Variants in UNC79 observed in about 807,000 individuals in gnomAD.
UNC79 encodes unc-79 subunit of NALCN channel complex.
In UNC79, 37 loss-of-function variants were observed where a neutral mutation model predicts 283.1. That is an observed-to-expected ratio of 0.13 (90% CI 0.10 to 0.17). UNC79 has a LOEUF of 0.17. Among genes scored for constraint, UNC79 ranks in the 10% least tolerant of loss-of-function variants. The probability of loss-of-function intolerance (pLI) is 1.00; values close to 1 mark genes in which losing one functional copy is unlikely to be tolerated. For synonymous variants in UNC79, 1,107 were observed against 1,200.2 expected (o/e 0.92, Z 1.61); for missense variants, 2,272 against 3,211.1 (o/e 0.71, Z 7.07).
chr14:93,414,324 A>G (rs1336283698), intron 1 of UNC79, among the ~76,000 whole-genome samples: 1 of 152,124 alleles, frequency 6.6e-6, no homozygotes, highest in Non-Finnish European at 1.5e-5. Flanking sequence ...TTTGTCAAAG[A>G]TCAGATAGTT....
chr14:93,597,299 A>T, intron 23 of UNC79, 60 bp from the exon 24 acceptor site: 1 of 1,543,964 alleles, frequency 6.5e-7, no homozygotes, highest in South Asian at 1.2e-5. Flanking sequence ...ATAAATGTGT[A>T]TGCGTGTGCC....
Position 93,617,205 on chromosome 14 carries a change from C to G in UNC79, c.4125C>G (p.Leu1375=). ...TCAAATACTGCTCTTGTCCTCAACT[C>G]CGGCATTATTTCCAACAGCCGCCTC... is the stretch of plus-strand genomic sequence containing the variant. The change falls in exon 28 of 49, where the codon CTC becomes CTG. Residue 1375 remains leucine (L), a synonymous_variant. Coordinates refer to ENST00000555664, the Ensembl canonical transcript of UNC79. The surrounding 1 kb of genome is among the most constrained non-coding windows in gnomAD (Gnocchi z 4.5). 6.2e-7 allele frequency: 1 copy of G among 1,614,208 alleles called. No homozygotes were observed. The highest frequency in any genetic ancestry group is 1.7e-5 in the Admixed American group (1 of 60,034).
chr14:93,452,219 T>C (rs2056663875), intron 1 of UNC79, among the ~76,000 whole-genome samples: 1 of 152,158 alleles, frequency 6.6e-6, no homozygotes, highest in African/African-American at 2.4e-5. Context: ...GTATTTACTG[T>C]CTTTTCGTTC....
intron 4 of UNC79, 73 bp from the exon 5 acceptor site, chr14:93,487,590 C>G (rs1286958897): frequency 1.6e-6 from 2 of 1,275,762 alleles, no homozygotes; most frequent in Admixed American, 2.0e-5. Flanking sequence ...CTTCTTATCT[C>G]TCATGCTCTG....
chr14:93,422,320 A>G (rs1448536738), intron 1 of UNC79, among the ~76,000 whole-genome samples: 1 of 151,858 alleles, frequency 6.6e-6, no homozygotes, highest in African/African-American at 2.4e-5. Context: ...ATAGAAAGGA[A>G]TATCTTGTTT....
chr14:93,363,877 C>G lies in UNC79; in HGVS notation c.-351+30354C>G, dbSNP rs191543629. ...GGGACTACAGGCGCCTGCCACCACA[C>G]CCAGCTAATTTTTTTTGTATTTTTA... is the stretch of plus-strand genomic sequence containing the variant. On this transcript the variant is annotated intron_variant, in intron 1 of 49. Coordinates refer to the UNC79 transcript ENST00000256339. Among the ~76,000 whole-genome samples, 764 of 152,144 alleles carry G rather than the reference C, an allele frequency of 5.0e-3. 7 individuals are homozygous for G. Among genetic ancestry groups the G allele is most frequent in the African/African-American group, 0.017 (714 of 41,490 alleles).
At chr14:93,400,302 GAAATGAAT>G (rs2055081431) in intron 1 of UNC79, among the ~76,000 whole-genome samples, 1 of 151,364 alleles carries the variant, frequency 6.6e-6, no homozygotes, top group South Asian at 2.1e-4. Context: ...GCAGAGTCAA[GAAATGAAT>G]AACAGTTTAT....
intron 11 of UNC79, among the ~76,000 whole-genome samples, chr14:93,537,400 G>A (rs541781735): frequency 8.5e-5 from 13 of 152,326 alleles, no homozygotes; most frequent in African/African-American, 1.2e-4. Context: ...ACAGAGTGCC[G>A]GTGGGCATGG....
rs1256713231 is a variant in UNC79, at chr14:93,580,268, G to A, written c.2553G>A (p.Lys851=). 2.5e-6 allele frequency: 4 copies of A among 1,614,050 alleles called. No individual in the cohort carries two copies. In the Admixed American group the frequency reaches 5.0e-5, roughly 20 times the overall value. Reference sequence around the variant, plus strand: ...GGGGGGGATCCCACACCTGCCAGAAGGACGAAAAAGCAATCGAGTGCAACT... The same window carrying A: ...GGGGGGGATCCCACACCTGCCAGAAAGACGAAAAAGCAATCGAGTGCAACT... Residue 851 remains lysine (K), a synonymous_variant, in exon 19 of 49, where the codon AAG becomes AAA. Transcript: ENST00000555664.
chr14:93,575,564 G>A (rs1241293548), intron 17 of UNC79, among the ~76,000 whole-genome samples: 1 of 152,084 alleles, frequency 6.6e-6, no homozygotes, highest in Non-Finnish European at 1.5e-5. Flanking sequence ...GAGTTTGGAT[G>A]ATTGTTTTTT....
In UNC79 at chr14:93,694,315, T is replaced by C. The variant is rs1157161923; in HGVS notation, c.7471-20T>C. On this transcript the variant is annotated intron_variant, in intron 46 of 48. Transcript: ENST00000555664. The stretch of plus-strand genomic sequence containing the variant: ...CTATATCACTGGAAATGGAATTAAC[T>C]TTCATGTTTGTTGTTTCAGATGGTA... 1 of 1,603,152 alleles carries C rather than the reference T, an allele frequency of 6.2e-7. No homozygotes were observed. The highest frequency in any genetic ancestry group is 2.2e-5 in the East Asian group (1 of 44,610).
At position 93,430,659 on chromosome 14, in the gene UNC79, T is replaced by G. The variant is rs1337020409; in HGVS notation, c.-371T>G. On this transcript the variant is annotated 5_prime_UTR_variant, in exon 1 of 49. Coordinates refer to ENST00000555664, the Ensembl canonical transcript of UNC79. This position sits in a 1 kb window ranked among gnomAD's most constrained non-coding sequence, Gnocchi z 4.6. Reference sequence around the variant, plus strand: ...ACACCCGTCCCCTCCGTGCGCCTTATGAATGGAAATACTCCTCCCCCGGTC... The same window carrying G: ...ACACCCGTCCCCTCCGTGCGCCTTAGGAATGGAAATACTCCTCCCCCGGTC... 1.1e-5 allele frequency: 2 copies of G among 185,056 alleles called. No individual in the cohort carries two copies. The highest frequency in any genetic ancestry group is 5.6e-5 in the Admixed American group (1 of 17,926). 11.5% of individuals were successfully genotyped at this position (185,056 alleles called of 1,614,324 possible). A position where few individuals can be genotyped will look rare whatever the true frequency, so the allele number is the denominator to read the frequency against.
intron 1 of UNC79, among the ~76,000 whole-genome samples, chr14:93,355,209 CCT>C (rs1005741666): frequency 3.3e-5 from 5 of 149,742 alleles, no homozygotes; most frequent in Non-Finnish European, 7.4e-5. Context: ...TTTTTTTCCC[CCT>C]GAGACAGAGT....
rs549665637 is a variant in UNC79 at position 93,442,172 on chromosome 14, T to C, written c.22+11121T>C. 3.6e-3 allele frequency among the ~76,000 whole-genome samples: 542 copies of C among 152,262 alleles called. 5 individuals are homozygous for C. Among genetic ancestry groups the C allele is most frequent in the African/African-American group, 0.013 (520 of 41,566 alleles). On this transcript the variant is annotated intron_variant, in intron 1 of 48. Coordinates refer to ENST00000555664, the Ensembl canonical transcript of UNC79. The stretch of plus-strand genomic sequence containing the variant: ...TAGCCTTAACTATAATATGATTCAT[T>C]GTTGGGTCATGCTGAAATGATTGCA...
intron 1 of UNC79, among the ~76,000 whole-genome samples, chr14:93,377,435 GT>G (rs1398437740): frequency 6.6e-6 from 1 of 152,126 alleles, no homozygotes; most frequent in Non-Finnish European, 1.5e-5. Flanking sequence ...TGTACTGAGG[GT>G]TGAGGGCTTC....
chr14:93,688,776 G>T lies in UNC79; in HGVS notation c.7021G>T (p.Asp2341Tyr). Residue 2341 changes from aspartate to tyrosine, a missense_variant, in exon 44 of 49, where the codon GAT becomes TAT. Transcript: ENST00000555664. The surrounding 1 kb of genome is among the most constrained non-coding windows in gnomAD (Gnocchi z 4.0). ...GGACATCTCACGGGGCAACCACAGA[G>T]ATAACAAAGCTGTGATCCGCTATCT... is the stretch of plus-strand genomic sequence containing the variant. The T allele has an allele frequency of 6.2e-7, 1 of 1,614,138 alleles. No individual in the cohort carries two copies. The highest frequency in any genetic ancestry group is 8.5e-7 in the Non-Finnish European group (1 of 1,180,012).
intron 1 of UNC79, among the ~76,000 whole-genome samples, chr14:93,438,102 A>G (rs1423756038): frequency 6.6e-6 from 1 of 152,198 alleles, no homozygotes; most frequent in East Asian, 1.9e-4. Context: ...CCAAAACAAT[A>G]TGCATTCCTA....
chr14:93,640,678 C>T (rs1219733022), intron 32 of UNC79, among the ~76,000 whole-genome samples: 1 of 152,170 alleles, frequency 6.6e-6, no homozygotes, highest in African/African-American at 2.4e-5. Flanking sequence ...ATCTCCACTG[C>T]TTAAGTGCAT....
chr14:93,666,065 T>TTG (rs3993787), intron 40 of UNC79, among the ~76,000 whole-genome samples: 177 of 150,104 alleles, frequency 1.2e-3, no homozygotes, highest in East Asian at 8.0e-3. Context: ...GGGTGTGTGT[T>TTG]TGTGTGTGTG....
Sources: allele counts gnomAD v4.1 joint callset (sites outside exome capture counted in the v4.1 genomes callset), GRCh38; gene constraint gnomAD v4.1.1; non-coding constraint Gnocchi (gnomAD v3.1); transcripts MANE v1.5; gene names NCBI Gene and HGNC (gene_info 2026-07-23, HGNC 2026-07-21).